Variants in GCSAML observed in about 807,000 individuals in gnomAD.
GCSAML encodes germinal center-associated signaling and motility-like protein.
In GCSAML, 9 loss-of-function variants were observed where a neutral mutation model predicts 13.0. The observed-to-expected ratio is 0.69, with a 90% CI of 0.42 to 1.21. GCSAML has a LOEUF of 1.21. Among genes scored for constraint, GCSAML ranks in the 50% most tolerant of loss-of-function variants. The pLI, the probability that GCSAML is intolerant of heterozygous loss-of-function variation, is 0.00. For missense variants in GCSAML, 143 were observed against 153.4 expected, an observed-to-expected ratio of 0.93 and a Z score of 0.36; for synonymous variants, 37 against 52.9, an observed-to-expected ratio of 0.70 and a Z score of 1.31.
intron 2 of GCSAML, chr1:247,533,448 C>CT (rs1207823297): frequency 6.6e-6 from 1 of 152,194 alleles, no homozygotes; most frequent in East Asian, 1.9e-4. Context: ...AAATGTTACT[C>CT]TAACTTTCCC....
chr1:247,568,732 A>T (rs903513772), intron 4 of GCSAML, among the ~76,000 whole-genome samples: 8 of 152,182 alleles, frequency 5.3e-5, no homozygotes, highest in Non-Finnish European at 7.3e-5. Context: ...TGGTAGCTTG[A>T]TGGGAATAGC....
intron 4 of GCSAML, among the ~76,000 whole-genome samples, chr1:247,573,739 G>C (rs891489089): frequency 3.3e-5 from 5 of 152,186 alleles, no homozygotes; most frequent in African/African-American, 1.2e-4. Context: ...AAGTCGGGGA[G>C]CTTGATGGAA....
intron 2 of GCSAML, among the ~76,000 whole-genome samples, chr1:247,535,641 G>A (rs867582742): frequency 6.6e-6 from 1 of 152,182 alleles, no homozygotes; most frequent in Non-Finnish European, 1.5e-5. Context: ...GGTCACTCAT[G>A]AGGTAATAGT....
intron 1 of GCSAML, among the ~76,000 whole-genome samples, chr1:247,517,530 C>A (rs1666253040): frequency 6.6e-6 from 1 of 152,066 alleles, no homozygotes; most frequent in African/African-American, 2.4e-5. Context: ...TTAGTAGATT[C>A]TGACAAAATA....
chr1:247,556,511 G>GT (rs764127407), intron 2 of GCSAML, 45 bp downstream of exon 2: 9 of 1,411,378 alleles, frequency 6.4e-6, no homozygotes, highest in African/African-American at 5.7e-5. Context: ...GTTTTGTTTT[G>GT]TTTTTTCATT....
chr1:247,522,664 G>A (rs1666493725), intron 1 of GCSAML, among the ~76,000 whole-genome samples: 1 of 152,100 alleles, frequency 6.6e-6, no homozygotes, highest in African/African-American at 2.4e-5. Context: ...AGGGTTAAAT[G>A]GATTAAGGGC....
At chr1:247,534,646 C>A (rs1558243937) in intron 2 of GCSAML, among the ~76,000 whole-genome samples, 1 of 152,096 alleles carries the variant, frequency 6.6e-6, no homozygotes, top group Non-Finnish European at 1.5e-5. Context: ...AAAGGAGAAT[C>A]AATTTATTAT....
At chr1:247,558,876 T>C (rs1668035816) in intron 2 of GCSAML, among the ~76,000 whole-genome samples, 1 of 151,678 alleles carries the variant, frequency 6.6e-6, no homozygotes, top group African/African-American at 2.4e-5. Flanking sequence ...TTTTATAGTC[T>C]TGAATATAAT....
chr1:247,538,425 C>T (rs1250505419), intron 2 of GCSAML, among the ~76,000 whole-genome samples: 2 of 152,152 alleles, frequency 1.3e-5, no homozygotes, highest in Non-Finnish European at 2.9e-5. Context: ...ATCTAACTGC[C>T]TATACTACAG....
At chr1:247,522,846 C>T (rs1414377246) in intron 1 of GCSAML, among the ~76,000 whole-genome samples, 4 of 151,746 alleles carry the variant, frequency 2.6e-5, no homozygotes, top group Non-Finnish European at 4.4e-5. Context: ...CTGACCTTCC[C>T]TCCACTATTG....
intron 1 of GCSAML, among the ~76,000 whole-genome samples, chr1:247,551,761 A>G (rs1667784980): frequency 6.6e-6 from 1 of 152,250 alleles, no homozygotes; most frequent in Admixed American, 6.5e-5. Context: ...GTCCATTTCT[A>G]TGCTTAGGTT....
intron 1 of GCSAML, among the ~76,000 whole-genome samples, chr1:247,551,235 T>C (rs1667767378): frequency 6.6e-6 from 1 of 152,188 alleles, no homozygotes. Context: ...GCTTGAGGAA[T>C]TGCCATTTGG....
At chr1:247,534,536 G>A (rs1264820156) in intron 2 of GCSAML, among the ~76,000 whole-genome samples, 1 of 152,218 alleles carries the variant, frequency 6.6e-6, no homozygotes, top group Non-Finnish European at 1.5e-5. Flanking sequence ...CAGGGGCAGT[G>A]CATAAAGTCA....
chr1:247,572,770 T>G (rs1274653771), intron 4 of GCSAML, among the ~76,000 whole-genome samples: 9 of 152,222 alleles, frequency 5.9e-5, no homozygotes, highest in Admixed American at 5.2e-4. Context: ...AGCCAACAGG[T>G]AGGCAGGAAT....
upstream of GCSAML, among the ~76,000 whole-genome samples, chr1:247,546,398 A>C (rs373383316): frequency 2.0e-5 from 3 of 151,974 alleles, no homozygotes; most frequent in African/African-American, 2.4e-5. Context: ...TCGCTCTGTC[A>C]CCCAGGCTGG....
At chr1:247,560,333 T>G (rs2103051604) in intron 2 of GCSAML, among the ~76,000 whole-genome samples, 1 of 152,360 alleles carries the variant, frequency 6.6e-6, no homozygotes, top group Non-Finnish European at 1.5e-5. Context: ...AGGTTTTAGA[T>G]TATCTCAGTA....
chr1:247,517,941 G>A (rs531841546), intron 1 of GCSAML, among the ~76,000 whole-genome samples: 2 of 152,280 alleles, frequency 1.3e-5, no homozygotes, highest in Admixed American at 1.3e-4. Flanking sequence ...AGACGGTCCC[G>A]TTTGTGGTCA....
rs1481713575 is a variant in GCSAML, at chr1:247,556,434, C to T, written c.57C>T (p.Pro19=). ...GCCTGGGAGAGAATCAAAAGAAGCC[C>T]AAGAAAGGAAACCCAGATGAGGAAA... ...LSCLGENQKK[P]KKGNPDEERK... Residue 19 remains proline (P), a synonymous_variant, in exon 2 of 5, where the codon CCC becomes CCT. Transcript: ENST00000366488. 11 of 1,611,740 alleles carry T rather than the reference C, an allele frequency of 6.8e-6. No homozygotes were observed. Among genetic ancestry groups the T allele is most frequent in the Admixed American group, 1.7e-5 (1 of 59,824 alleles).
chr1:247,529,346 A>G (rs1326765333), intron 2 of GCSAML: 3 of 152,228 alleles, frequency 2.0e-5, no homozygotes, highest in Admixed American at 2.0e-4. Context: ...CATGATTCAT[A>G]CTTCATACCT....
Sources: allele counts gnomAD v4.1 joint callset (sites outside exome capture counted in the v4.1 genomes callset), GRCh38; gene constraint gnomAD v4.1.1; transcripts MANE v1.5; gene names NCBI Gene and HGNC (gene_info 2026-07-23, HGNC 2026-07-21).